The following SPRED2 variants were observed in gnomAD, a reference collection of about 807,000 sequenced individuals.
The protein encoded by SPRED2 is sprouty related EVH1 domain containing 2, also known as sprouty-related, EVH1 domain-containing protein 2.
A neutral mutation model predicts 43.0 loss-of-function variants in SPRED2; 47 were observed. That is an observed-to-expected ratio of 1.09 (90% CI 0.87 to 1.40). The LOEUF (loss-of-function observed/expected upper bound fraction) is 1.40, where lower values mean the gene tolerates loss of function less well. Ranked by LOEUF, SPRED2 falls within the 40% of genes most tolerant of loss-of-function variation. The pLI, the probability that SPRED2 is intolerant of heterozygous loss-of-function variation, is 0.00. For synonymous variants in SPRED2, 225 were observed against 225.7 expected, an observed-to-expected ratio of 1.00 and a Z score of 0.03; for missense variants, 561 against 586.4, an observed-to-expected ratio of 0.96 and a Z score of 0.45.
At chr2:65,395,331 C>A (rs1286483098) in intron 1 of SPRED2, among the ~76,000 whole-genome samples, 1 of 152,180 alleles carries the variant, frequency 6.6e-6, no homozygotes, top group Non-Finnish European at 1.5e-5. Context: ...ACCTTCAAGT[C>A]TGTGTGTGGG....
chr2:65,344,453 C>A, intron 2 of SPRED2: 1 of 568,938 alleles, frequency 1.8e-6, no homozygotes, highest in Non-Finnish European at 3.3e-6. Flanking sequence ...CAATGATAGA[C>A]ATCTTAATCA....
In SPRED2 at chr2:65,432,212, C is replaced by T; in HGVS notation, c.-225G>A. ...TGCGCGGGGAGTGAACGCCGCAGCG[C>T]CGTGGGGAGAGGCGGGCGGAGGCTC... is the stretch of plus-strand genomic sequence containing the variant. On this transcript the variant is annotated 5_prime_UTR_variant, in exon 1 of 6. Transcript: ENST00000356388. 1 of 576,684 alleles carries T rather than the reference C, an allele frequency of 1.7e-6. No individual in the cohort carries two copies. The highest frequency in any genetic ancestry group is 2.1e-5 in the South Asian group (1 of 48,346). The allele number at this position is 576,684 out of a possible 1,614,324, so 35.7% of individuals were successfully genotyped here. A position where few individuals can be genotyped will look rare whatever the true frequency, so the allele number is the denominator to read the frequency against.
rs374031273 is a variant in SPRED2 at position 65,377,824 on chromosome 2, A to G, written c.27-32928T>C. ...AGAGGAGCCCGGGGGCAGTCCCAGCACTTCTCAGACACAGCCTCCAGCAAA... is the reference window on the plus strand; with the variant it reads ...AGAGGAGCCCGGGGGCAGTCCCAGCGCTTCTCAGACACAGCCTCCAGCAAA... On this transcript the variant is annotated intron_variant, in intron 1 of 5. Transcript: ENST00000356388. 14 of 408,758 alleles carry G rather than the reference A, an allele frequency of 3.4e-5. 1 individual carries two copies. The highest frequency in any genetic ancestry group is 1.9e-4 in the African/African-American group (9 of 48,628). The allele number at this position is 408,758 out of a possible 1,614,324, so 25.3% of individuals were successfully genotyped here. A position where few individuals can be genotyped will look rare whatever the true frequency, so the allele number is the denominator to read the frequency against.
At chr2:65,351,333 C>T (rs1318423387) in intron 1 of SPRED2, among the ~76,000 whole-genome samples, 1 of 152,216 alleles carries the variant, frequency 6.6e-6, no homozygotes, top group Non-Finnish European at 1.5e-5. Context: ...GCTCCTGCCC[C>T]TCCCCATTTC....
chr2:65,432,146 G>A lies in SPRED2; in HGVS notation c.-159C>T, dbSNP rs1017574474. On this transcript the variant is annotated 5_prime_UTR_variant, in exon 1 of 6. Transcript: ENST00000356388. ...GGCGCCGCAGCAGAAGGGGAAGCAGGGCGCGGGATAGGGTTTGGGGGAAGG... is the reference window on the plus strand; with the variant it reads ...GGCGCCGCAGCAGAAGGGGAAGCAGAGCGCGGGATAGGGTTTGGGGGAAGG... 1 of 895,448 alleles carries A rather than the reference G, an allele frequency of 1.1e-6. No homozygotes were observed. Among genetic ancestry groups the A allele is most frequent in the South Asian group, 1.5e-5 (1 of 67,066 alleles). The allele number at this position is 895,448 out of a possible 1,614,324, so 55.5% of individuals were successfully genotyped here.
At chr2:65,418,284 C>G (rs1676335461) in intron 1 of SPRED2, among the ~76,000 whole-genome samples, 1 of 151,476 alleles carries the variant, frequency 6.6e-6, no homozygotes, top group African/African-American at 2.4e-5. Context: ...GGCTGGTACT[C>G]AATATCCTCC....
intron 4 of SPRED2, among the ~76,000 whole-genome samples, chr2:65,328,186 T>A (rs977617456): frequency 6.6e-6 from 1 of 152,292 alleles, no homozygotes; most frequent in South Asian, 2.1e-4. Flanking sequence ...GATCAACTGA[T>A]CTTCTAAAAT....
At chr2:65,339,755 A>C (rs1389123376) in intron 2 of SPRED2, among the ~76,000 whole-genome samples, 1 of 152,056 alleles carries the variant, frequency 6.6e-6, no homozygotes, top group Non-Finnish European at 1.5e-5. Context: ...AAAGAAAGTG[A>C]AAGATAAACC....
At chr2:65,377,118 T>A (rs951998270) in intron 1 of SPRED2, among the ~76,000 whole-genome samples, 1 of 152,242 alleles carries the variant, frequency 6.6e-6, no homozygotes, top group Non-Finnish European at 1.5e-5. Context: ...TTCTTATTAA[T>A]GAACATTTAG....
chr2:65,352,684 C>T (rs1428098634), intron 1 of SPRED2, among the ~76,000 whole-genome samples: 12 of 152,162 alleles, frequency 7.9e-5, no homozygotes, highest in African/African-American at 2.7e-4. Context: ...AGTGCAGTGG[C>T]GCGATCTCAG....
At chr2:65,342,230 T>C (rs1026540674) in intron 2 of SPRED2, among the ~76,000 whole-genome samples, 2 of 146,222 alleles carry the variant, frequency 1.4e-5, no homozygotes, top group African/African-American at 5.0e-5. Context: ...ACGTATATTA[T>C]GTATGTATAT....
intron 4 of SPRED2, among the ~76,000 whole-genome samples, chr2:65,324,973 C>CA (rs1476311247): frequency 3.9e-5 from 6 of 152,098 alleles, no homozygotes; most frequent in African/African-American, 1.2e-4. Flanking sequence ...CAACAGTTGG[C>CA]AAAAAGTGCT....
At chr2:65,350,234 G>C (rs1046336263) in intron 1 of SPRED2, among the ~76,000 whole-genome samples, 7 of 152,216 alleles carry the variant, frequency 4.6e-5, no homozygotes, top group African/African-American at 4.8e-5. Context: ...GGGGCAGGAA[G>C]GGCAAGGGCA....
chr2:65,368,610 CACAA>C (rs2104335321), intron 1 of SPRED2, among the ~76,000 whole-genome samples: 1 of 152,166 alleles, frequency 6.6e-6, no homozygotes, highest in South Asian at 2.1e-4. Flanking sequence ...TGCACACATG[CACAA>C]ACAATGAGAA....
At chr2:65,404,900 T>C (rs11675191) in intron 1 of SPRED2, among the ~76,000 whole-genome samples, 7,844 of 152,292 alleles carry the variant, frequency 0.052, 304 homozygotes, top group Middle Eastern at 0.15. Context: ...GGCCCTTTTA[T>C]GATCTAACCT....
chr2:65,316,961 A>G (rs2104121103), intron 4 of SPRED2, 78 bp from the exon 5 acceptor site: 3 of 1,430,668 alleles, frequency 2.1e-6, no homozygotes, highest in Non-Finnish European at 1.9e-6. Flanking sequence ...GACATGCACT[A>G]TTCAAATACT....
intron 1 of SPRED2, among the ~76,000 whole-genome samples, chr2:65,428,376 C>T (rs965560502): frequency 2.0e-5 from 3 of 152,194 alleles, no homozygotes; most frequent in Non-Finnish European, 4.4e-5. Context: ...ACGTTACAAA[C>T]GCATTTAACT....
intron 3 of SPRED2, among the ~76,000 whole-genome samples, chr2:65,333,889 C>T (rs1346486830): frequency 1.3e-5 from 2 of 152,200 alleles, no homozygotes; most frequent in Admixed American, 6.5e-5. Flanking sequence ...TGATTAATTT[C>T]CCCAAGATCT....
chr2:65,311,296 T>G lies in SPRED2; in HGVS notation c.*2205A>C. On this transcript the variant is annotated 3_prime_UTR_variant, in exon 6 of 6. Transcript: ENST00000356388. ...ATAAATGTCCCCATGGCTGTCTTTG[T>G]GCCCTTAACCGATGCCTTCACAAAC... 1 of 985,900 alleles carries G rather than the reference T, an allele frequency of 1.0e-6. No individual in the cohort carries two copies. Among genetic ancestry groups the G allele is most frequent in the Non-Finnish European group, 1.2e-6 (1 of 829,946 alleles). The allele number at this position is 985,900 out of a possible 1,614,324, so 61.1% of individuals were successfully genotyped here.
Sources: gnomAD v4.1 joint callset for allele counts (sites outside exome capture counted in the v4.1 genomes callset) on GRCh38, gnomAD v4.1.1 for gene constraint, MANE v1.5 for transcripts, NCBI Gene and HGNC (gene_info 2026-07-23, HGNC 2026-07-21) for gene names.